The following LGI1 variants were observed in gnomAD, a reference collection of about 807,000 sequenced individuals.
LGI1 encodes the protein leucine-rich glioma-inactivated protein 1.
Under a neutral mutation model 57.7 loss-of-function variants are expected in LGI1, and 11 were observed. The ratio of observed to expected loss-of-function variants is 0.19; its 90% CI spans 0.12 to 0.32. The LOEUF (loss-of-function observed/expected upper bound fraction) is 0.32. Ranked by LOEUF, LGI1 falls within the 10% of genes least tolerant of loss-of-function variation. LGI1 has a pLI of 1.00. For synonymous variants in LGI1, 222 were observed against 241.9 expected (o/e 0.92, Z 0.76); for missense variants, 422 against 661.9 (o/e 0.64, Z 3.98).
chr10:93,781,380 A>C (rs2059846817), intron 4 of LGI1, among the ~76,000 whole-genome samples: 1 of 151,586 alleles, frequency 6.6e-6, no homozygotes, highest in African/African-American at 2.4e-5. Context: ...TAAATAAATA[A>C]ATAAATAAAT....
At chr10:93,769,742 T>G (rs1341799341) in intron 2 of LGI1, 1 of 152,230 alleles carries the variant, frequency 6.6e-6, no homozygotes, top group Non-Finnish European at 1.5e-5. Flanking sequence ...ATCAATTCAT[T>G]CTCCAAGTGA....
At chr10:93,769,503 T>C (rs1462205304) in intron 2 of LGI1, 1 of 152,212 alleles carries the variant, frequency 6.6e-6, no homozygotes, top group African/African-American at 2.4e-5. Flanking sequence ...CTCTTCCAGC[T>C]CTGACATTTG....
chr10:93,789,730 C>T (rs762489076), intron 4 of LGI1: 36 of 203,418 alleles, frequency 1.8e-4, no homozygotes, highest in Non-Finnish European at 3.0e-4. Flanking sequence ...AACAATTAGC[C>T]GGGTATGGTG....
At chr10:93,773,668 C>T (rs2059762756) in intron 2 of LGI1, among the ~76,000 whole-genome samples, 1 of 152,190 alleles carries the variant, frequency 6.6e-6, no homozygotes, top group Non-Finnish European at 1.5e-5. Context: ...CCTCCCCTCT[C>T]CTCCCACAGC....
Position 93,758,114 on chromosome 10 carries a change from T to C in LGI1, c.-31T>C, listed in dbSNP as rs1423704905. ...ATCACCATCTGAATTCCAGAAGCCC[T>C]GTTCATGGTTGGGGATATTTTCTCG... On this transcript the variant is annotated 5_prime_UTR_variant, in exon 1 of 8. Coordinates refer to ENST00000371418, the MANE Select transcript of LGI1 (RefSeq NM_005097.4). This position sits in a 1 kb window ranked among gnomAD's most constrained non-coding sequence, Gnocchi z 4.7. 6.3e-7 allele frequency: 1 copy of C among 1,592,464 alleles called. No homozygotes were observed. Among genetic ancestry groups the C allele is most frequent in the Admixed American group, 1.7e-5 (1 of 59,922 alleles).
At chr10:93,765,896 G>A (rs1417066699) in intron 2 of LGI1, among the ~76,000 whole-genome samples, 2 of 150,506 alleles carry the variant, frequency 1.3e-5, no homozygotes, top group African/African-American at 2.4e-5. Flanking sequence ...CGTGAACCCA[G>A]GAGGCGGAGC....
intron 7 of LGI1, among the ~76,000 whole-genome samples, chr10:93,795,152 A>G (rs1178548453): frequency 6.6e-6 from 1 of 152,216 alleles, no homozygotes; most frequent in Non-Finnish European, 1.5e-5. Context: ...CACTTACAAG[A>G]GAAATAAATC....
chr10:93,774,488 G>A (rs1002795919), intron 2 of LGI1, among the ~76,000 whole-genome samples: 23 of 152,132 alleles, frequency 1.5e-4, no homozygotes, highest in Non-Finnish European at 2.6e-4. Flanking sequence ...TACCTACCAT[G>A]GATCCAATTC....
chr10:93,774,527 T>C (rs1038972808), intron 2 of LGI1, among the ~76,000 whole-genome samples: 1 of 152,188 alleles, frequency 6.6e-6, no homozygotes, highest in African/African-American at 2.4e-5. Context: ...ATCCTTTAGC[T>C]TCTCTACCGG....
chr10:93,796,367 T>C (rs761362546), intron 7 of LGI1, among the ~76,000 whole-genome samples: 1 of 152,150 alleles, frequency 6.6e-6, no homozygotes, highest in Non-Finnish European at 1.5e-5. Context: ...AGCCTTTGGT[T>C]ATCTAAGATC....
intron 2 of LGI1, among the ~76,000 whole-genome samples, chr10:93,759,795 A>G (rs949828314): frequency 2.0e-5 from 3 of 152,132 alleles, no homozygotes; most frequent in East Asian, 3.9e-4. Context: ...GGCTGTTTGA[A>G]GTTACATACA....
chr10:93,784,464 C>T (rs2059879155), intron 4 of LGI1, among the ~76,000 whole-genome samples: 2 of 152,170 alleles, frequency 1.3e-5, no homozygotes, highest in Non-Finnish European at 2.9e-5. Context: ...AAGGGAATAG[C>T]CTGAGCTCAA....
Position 93,785,868 on chromosome 10 carries a change from C to A in LGI1, c.432-4231C>A, listed in dbSNP as rs1262006390. On this transcript the variant is annotated intron_variant, in intron 4 of 7. Coordinates refer to ENST00000371418, the MANE Select transcript of LGI1 (RefSeq NM_005097.4). ...AGCTGTTAAAATTCCCTGATAGACA[C>A]AGGATCTCATTCTACTTACCCCTTT... Among the ~76,000 whole-genome samples, 45 of 46,224 alleles carry A rather than the reference C, an allele frequency of 9.7e-4. 15 individuals are homozygous for A. Among genetic ancestry groups the A allele is most frequent in the African/African-American group, 1.2e-3 (41 of 33,214 alleles). The allele number at this position is 46,224 out of a possible 152,430, so 30.3% of individuals were successfully genotyped here.
At chr10:93,782,787 GGGCT>G (rs921934561) in intron 4 of LGI1, 5 of 152,346 alleles carry the variant, frequency 3.3e-5, no homozygotes, top group Admixed American at 2.0e-4. Flanking sequence ...CATTGCAGGG[GGGCT>G]GGTGCACCCC....
At chr10:93,779,659 A>T (rs557666516) in intron 4 of LGI1, among the ~76,000 whole-genome samples, 2 of 152,326 alleles carry the variant, frequency 1.3e-5, no homozygotes, top group East Asian at 3.9e-4. Context: ...GGGAATTTAA[A>T]TATGGGTCTT....
intron 4 of LGI1, among the ~76,000 whole-genome samples, chr10:93,782,539 AT>A (rs898870107): frequency 6.6e-5 from 10 of 152,274 alleles, no homozygotes; most frequent in African/African-American, 2.2e-4. Flanking sequence ...TGTATATACC[AT>A]TTAAACATTT....
At chr10:93,773,311 T>C (rs1458139974) in intron 2 of LGI1, among the ~76,000 whole-genome samples, 1 of 152,208 alleles carries the variant, frequency 6.6e-6, no homozygotes, top group Non-Finnish European at 1.5e-5. Context: ...TATGCCATTA[T>C]GTGACCTGGG....
At chr10:93,796,082 A>G (rs556211391) in intron 7 of LGI1, among the ~76,000 whole-genome samples, 1 of 152,246 alleles carries the variant, frequency 6.6e-6, no homozygotes, top group Non-Finnish European at 1.5e-5. Context: ...AAAGGATACC[A>G]AGCTAGGCCA....
chr10:93,784,110 C>A (rs1028703895), intron 4 of LGI1, among the ~76,000 whole-genome samples: 8 of 152,312 alleles, frequency 5.3e-5, no homozygotes, highest in East Asian at 1.9e-4. Flanking sequence ...GAGAACCATC[C>A]TTCTAGTACT....
Sources: gnomAD v4.1 joint callset for allele counts (sites outside exome capture counted in the v4.1 genomes callset) on GRCh38, gnomAD v4.1.1 for gene constraint, Gnocchi (gnomAD v3.1) non-coding constraint, MANE v1.5 for transcripts, NCBI Gene and HGNC (gene_info 2026-07-23, HGNC 2026-07-21) for gene names.